The following ANXA9 variants were observed in gnomAD, a reference collection of about 807,000 sequenced individuals.
ANXA9 encodes annexin A9.
ANXA9 carries 47 observed loss-of-function variants against 51.8 expected under a neutral mutation model. The observed-to-expected ratio is 0.91, with a 90% CI of 0.72 to 1.16. ANXA9 has a LOEUF of 1.16. ANXA9 is among the 50% of genes most tolerant of loss of function. ANXA9 has a pLI of 0.00. For synonymous variants in ANXA9, 154 were observed against 168.7 expected (o/e 0.91, Z 0.68); for missense variants, 361 against 424.7 (o/e 0.85, Z 1.32).
intron 12 of ANXA9, 31 bp downstream of exon 12, chr1:150,988,372 A>G: frequency 9.3e-6 from 15 of 1,609,148 alleles, no homozygotes; most frequent in Non-Finnish European, 1.3e-5. Flanking sequence ...CCTCCCCAGA[A>G]CAGAAACTGG....
At chr1:150,994,008 T>C (rs1346311740) in intron 12 of ANXA9, among the ~76,000 whole-genome samples, 1 of 152,132 alleles carries the variant, frequency 6.6e-6, no homozygotes, top group African/African-American at 2.4e-5. Context: ...AGGAGGAAGA[T>C]AGCAATGTTT....
chr1:150,979,589 T>C (rs587624643), upstream of ANXA9, among the ~76,000 whole-genome samples: 1 of 152,254 alleles, frequency 6.6e-6, no homozygotes, highest in South Asian at 2.1e-4. Flanking sequence ...CCAAGTGGGC[T>C]GAGACAGCCC....
In ANXA9 at chr1:150,987,882, G is replaced by A. The variant is rs747142019; in HGVS notation, c.623G>A (p.Arg208Gln). ...LAEQDVQALQ[R>Q]AEGPSREETW... Reference sequence around the variant, plus strand: ...ATTCCTCCCTCCTAGGCACTGCAGCGGGCAGAAGGACCTAGCAGAGAGGAA... The same window carrying A: ...ATTCCTCCCTCCTAGGCACTGCAGCAGGCAGAAGGACCTAGCAGAGAGGAA... Residue 208 changes from arginine to glutamine, a missense_variant, in exon 10 of 14, where the codon CGG (arginine) becomes CAG (glutamine). Arg to Gln is a conservative substitution (Grantham distance 43). Transcript: ENST00000368947. The A allele has an allele frequency of 4.3e-5, 70 of 1,613,772 alleles. No individual in the cohort carries two copies. In the South Asian group the frequency reaches 5.6e-4, roughly 13 times the overall value.
intron 7 of ANXA9, among the ~76,000 whole-genome samples, chr1:150,984,975 C>T (rs1164241880): frequency 6.6e-6 from 1 of 151,832 alleles, no homozygotes; most frequent in Non-Finnish European, 1.5e-5. Context: ...CAGTCACAGG[C>T]AATAAAGGAA....
rs373393444 is a variant in ANXA9 at position 150,993,454 on chromosome 1, G to A, written c.853-1123G>A. The stretch of plus-strand genomic sequence containing the variant: ...CTCCTCAGTAGCTGGGATTATAGGC[G>A]CCTACCACCACACCTGGCTAATTTT... On this transcript the variant is annotated intron_variant, in intron 12 of 13. Transcript: ENST00000368947. Among the ~76,000 whole-genome samples the A allele has an allele frequency of 1.4e-3, 206 of 150,714 alleles. 1 individual carries two copies. The highest frequency in any genetic ancestry group is 4.8e-3 in the African/African-American group (196 of 40,844).
At chr1:150,992,393 T>A (rs995548116) in intron 12 of ANXA9, among the ~76,000 whole-genome samples, 2 of 152,128 alleles carry the variant, frequency 1.3e-5, no homozygotes, top group Non-Finnish European at 2.9e-5. Flanking sequence ...CTACTAAATA[T>A]ACAAAATTAG....
intron 12 of ANXA9, among the ~76,000 whole-genome samples, chr1:150,988,819 T>C (rs1209862757): frequency 2.0e-5 from 3 of 152,072 alleles, no homozygotes; most frequent in African/African-American, 7.2e-5. Flanking sequence ...AGTACCTTGC[T>C]TGAGGTCACG....
chr1:150,984,548 C>T (rs587734141), intron 6 of ANXA9, 38 bp from the exon 7 acceptor site: 2 of 1,587,334 alleles, frequency 1.3e-6, no homozygotes, highest in South Asian at 2.2e-5. Context: ...ATCCTAATGA[C>T]ACGGCCAGTC....
intron 12 of ANXA9, among the ~76,000 whole-genome samples, chr1:150,993,762 G>A (rs922623449): frequency 6.6e-6 from 1 of 150,794 alleles, no homozygotes; most frequent in Non-Finnish European, 1.5e-5. Flanking sequence ...AGCCTTCCAA[G>A]TAGCTGGGAT....
chr1:150,988,233 G>C, intron 11 of ANXA9, 47 bp downstream of exon 11: 1 of 1,614,190 alleles, frequency 6.2e-7, no homozygotes, highest in South Asian at 1.1e-5. Flanking sequence ...CTTGGGATGG[G>C]AGATTGTGGT....
chr1:150,994,076 C>G (rs1156558268), intron 12 of ANXA9, among the ~76,000 whole-genome samples: 1 of 152,152 alleles, frequency 6.6e-6, no homozygotes, highest in Non-Finnish European at 1.5e-5. Flanking sequence ...TGAGATGGCC[C>G]TATTGGGTTG....
chr1:150,987,638 G>T (rs1193466265), intron 9 of ANXA9, among the ~76,000 whole-genome samples: 1 of 150,520 alleles, frequency 6.6e-6, no homozygotes, highest in Non-Finnish European at 1.5e-5. Flanking sequence ...TGAGCCTGGA[G>T]AATCACTTGA....
In ANXA9 at chr1:150,988,319, A is replaced by G; in HGVS notation, c.830A>G (p.Asp277Gly). 1 of 1,614,140 alleles carries G rather than the reference A, an allele frequency of 6.2e-7. No individual in the cohort carries two copies. Among genetic ancestry groups the G allele is most frequent in the Non-Finnish European group, 8.5e-7 (1 of 1,180,016 alleles). Reference sequence around the variant, plus strand: ...AAGAACACACCGCTGTACTTTGCTGACAAACTTCATCAAGCCCTCCAGGTG... The same window carrying G: ...AAGAACACACCGCTGTACTTTGCTGGCAAACTTCATCAAGCCCTCCAGGTG... Reference protein sequence around the residue: ...VIKNTPLYFADKLHQALQETE... With the variant: ...VIKNTPLYFAGKLHQALQETE... Residue 277 changes from aspartate to glycine, a missense_variant, in exon 12 of 14, where the codon GAC becomes GGC. Physicochemically the swap from Asp to Gly is moderately conservative, Grantham distance 94. Transcript: ENST00000368947.
chr1:150,984,871 AG>A (rs1671510617), intron 7 of ANXA9, among the ~76,000 whole-genome samples, 195 bp downstream of exon 7: 1 of 152,014 alleles, frequency 6.6e-6, no homozygotes, highest in Admixed American at 6.6e-5. Flanking sequence ...CATTAAAAAA[AG>A]AGAAGCAGGC....
At chr1:150,977,597 T>G (rs1671358896), upstream of ANXA9, among the ~76,000 whole-genome samples, 1 of 152,224 alleles carries the variant, frequency 6.6e-6, no homozygotes, top group African/African-American at 2.4e-5. Flanking sequence ...AGTTTAGATA[T>G]CTGGGCAGGC....
At chr1:150,989,801 C>T (rs587776027) in intron 12 of ANXA9, among the ~76,000 whole-genome samples, 1 of 152,288 alleles carries the variant, frequency 6.6e-6, no homozygotes, top group South Asian at 2.1e-4. Flanking sequence ...GTTCTGTCAT[C>T]TAGAGATTTC....
upstream of ANXA9, among the ~76,000 whole-genome samples, chr1:150,979,700 G>T (rs958252516): frequency 6.6e-6 from 1 of 152,166 alleles, no homozygotes; most frequent in African/African-American, 2.4e-5. Context: ...TTGGGGATTG[G>T]CCAGAAAAGT....
chr1:150,989,153 G>A (rs1671638891), intron 12 of ANXA9, among the ~76,000 whole-genome samples: 1 of 151,660 alleles, frequency 6.6e-6, no homozygotes, highest in Non-Finnish European at 1.5e-5. Context: ...CTAATTTTTT[G>A]TATTTTTAGC....
rs200156689 is a variant in ANXA9, at chr1:150,987,932, C to A, written c.673C>A (p.Arg225=). 8.1e-6 allele frequency: 13 copies of A among 1,614,076 alleles called. No individual in the cohort carries two copies. The highest frequency in any genetic ancestry group is 6.7e-5 in the African/African-American group (5 of 75,022). The part of the protein sequence containing the change: ...EETWVPVFTQ[R]NPEHLIRVFD... The stretch of plus-strand genomic sequence containing the variant: ...AACATGGGTCCCAGTCTTCACCCAG[C>A]GAAATCCTGAACACCTCATCCGAGG... Residue 225 remains arginine (R), a synonymous_variant, in exon 10 of 14, where the codon CGA becomes AGA. Coordinates refer to ENST00000368947, the MANE Select transcript of ANXA9 (RefSeq NM_003568.3).
Sources: allele counts gnomAD v4.1 joint callset (sites outside exome capture counted in the v4.1 genomes callset), GRCh38; gene constraint gnomAD v4.1.1; transcripts MANE v1.5; gene names NCBI Gene and HGNC (gene_info 2026-07-23, HGNC 2026-07-21).